PAN3: variants seen among roughly 807,000 people sequenced by gnomAD.
The protein encoded by PAN3 is poly(A) specific ribonuclease subunit PAN3.
PAN3 carries 19 observed loss-of-function variants against 96.2 expected under a neutral mutation model. That is an observed-to-expected ratio of 0.20 (90% confidence interval 0.14 to 0.29). PAN3 has a LOEUF of 0.29. Among genes scored for constraint, PAN3 ranks in the 10% least tolerant of loss-of-function variants. The pLI, the probability that PAN3 is intolerant of heterozygous loss-of-function variation, is 1.00. For missense variants in PAN3, 882 were observed against 1,108.1 expected, an observed-to-expected ratio of 0.80 and a Z score of 2.90; for synonymous variants, 433 against 406.6, an observed-to-expected ratio of 1.06 and a Z score of -0.78.
intron 1 of PAN3, among the ~76,000 whole-genome samples, chr13:28,172,077 G>GT (rs1223308103): frequency 6.6e-6 from 1 of 152,284 alleles, no homozygotes; most frequent in Middle Eastern, 3.4e-3. Context: ...TAGGAAACAA[G>GT]TTTTTTTAGG....
rs777339196 is a variant in PAN3 at position 28,138,879 on chromosome 13, G to A, written c.222G>A (p.Gly74=). Residue 74 remains glycine, a synonymous_variant, in exon 1 of 19, where the codon GGG becomes GGA. Coordinates refer to ENST00000380958, the MANE Select transcript of PAN3 (RefSeq NM_175854.8). ...TCCTGCATGAGGACCCTGCCGCCGG[G>A]GCTGCCCCGGGCCTCGGCCTCCATA... ...CQFLHEDPAA[G]AAPGLGLHSN... 4.9e-6 allele frequency: 7 copies of A among 1,415,648 alleles called. No individual in the cohort carries two copies. The highest frequency in any genetic ancestry group is 2.9e-5 in the East Asian group (1 of 34,930). The allele number at this position is 1,415,648 out of a possible 1,614,324, so 87.7% of individuals were successfully genotyped here. A position where few individuals can be genotyped will look rare whatever the true frequency, so the allele number is the denominator to read the frequency against.
chr13:28,246,788 TTGTA>T, intron 6 of PAN3, among the ~76,000 whole-genome samples: 1 of 152,186 alleles, frequency 6.6e-6, no homozygotes, highest in Admixed American at 6.5e-5. Flanking sequence ...GAATATTCTA[TTGTA>T]TGTATGTACC....
intron 6 of PAN3, among the ~76,000 whole-genome samples, chr13:28,234,267 A>G (rs1882872805): frequency 1.3e-5 from 2 of 152,138 alleles, no homozygotes; most frequent in African/African-American, 4.8e-5. Context: ...AGTGATCATA[A>G]TTCATTGCGG....
At chr13:28,169,485 C>T (rs1874025194) in intron 1 of PAN3, among the ~76,000 whole-genome samples, 1 of 151,616 alleles carries the variant, frequency 6.6e-6, no homozygotes, top group Admixed American at 6.6e-5. Flanking sequence ...CCCACCTCGG[C>T]CTCCCAAAGT....
intron 5 of PAN3, among the ~76,000 whole-genome samples, chr13:28,211,698 G>T (rs752472528): frequency 6.6e-6 from 1 of 152,068 alleles, no homozygotes; most frequent in African/African-American, 2.4e-5. Context: ...TTGTCTTCTG[G>T]CCAAGGTGAA....
At chr13:28,243,975 C>T (rs533201371) in intron 6 of PAN3, among the ~76,000 whole-genome samples, 4 of 152,248 alleles carry the variant, frequency 2.6e-5, no homozygotes, top group East Asian at 1.9e-4. Context: ...CAGGAGCCAC[C>T]GCACCTGGCC....
intron 6 of PAN3, among the ~76,000 whole-genome samples, chr13:28,255,729 C>T (rs1398348337): frequency 6.6e-6 from 1 of 151,546 alleles, no homozygotes; most frequent in Admixed American, 6.6e-5. Context: ...GGCACTTAAG[C>T]TGCTATGTAT....
intron 18 of PAN3, among the ~76,000 whole-genome samples, chr13:28,290,538 G>A (rs1474636025): frequency 2.6e-5 from 4 of 151,938 alleles, no homozygotes; most frequent in East Asian, 1.9e-4. Context: ...AAAATTAGCC[G>A]GGCGTGGTGG....
At chr13:28,194,445 TGTATGTATATATATATATA>T (rs1199284436) in intron 4 of PAN3, among the ~76,000 whole-genome samples, 2 of 120,148 alleles carry the variant, frequency 1.7e-5, no homozygotes, top group African/African-American at 7.5e-5. Flanking sequence ...TACATATATA[TGTATGTATATATATATATA>T]TATTTTTTTT....
intron 17 of PAN3, among the ~76,000 whole-genome samples, chr13:28,285,584 G>A (rs1384860515): frequency 2.0e-5 from 3 of 152,082 alleles, no homozygotes; most frequent in Non-Finnish European, 4.4e-5. Flanking sequence ...CTGGGACATG[G>A]TCTTCATTGT....
At chr13:28,253,513 T>G (rs554766546) in intron 6 of PAN3, among the ~76,000 whole-genome samples, 1 of 152,326 alleles carries the variant, frequency 6.6e-6, no homozygotes, top group South Asian at 2.1e-4. Flanking sequence ...CCTATGCAAT[T>G]TAAGTATCCT....
intron 5 of PAN3, among the ~76,000 whole-genome samples, chr13:28,202,679 A>G (rs78300016): frequency 1.3e-5 from 2 of 151,632 alleles, no homozygotes; most frequent in South Asian, 4.1e-4. Flanking sequence ...ACACACACAC[A>G]ATTTGTTTAA....
intron 9 of PAN3, among the ~76,000 whole-genome samples, chr13:28,263,527 C>T (rs1885908492): frequency 6.6e-6 from 1 of 152,144 alleles, no homozygotes; most frequent in Non-Finnish European, 1.5e-5. Flanking sequence ...GAGAGGGTTT[C>T]ACCATGTTGC....
intron 6 of PAN3, among the ~76,000 whole-genome samples, chr13:28,243,780 C>T (rs1415443310): frequency 6.6e-6 from 1 of 152,080 alleles, no homozygotes; most frequent in South Asian, 2.1e-4. Flanking sequence ...AGCCCGCCTC[C>T]CAGATTACAG....
chr13:28,200,655 A>T (rs1209719907), intron 5 of PAN3, among the ~76,000 whole-genome samples: 1 of 152,234 alleles, frequency 6.6e-6, no homozygotes, highest in Non-Finnish European at 1.5e-5. Flanking sequence ...TTAAACAGTG[A>T]TACATTTGAA....
intron 1 of PAN3, among the ~76,000 whole-genome samples, chr13:28,140,885 T>A (rs1321106950): frequency 6.6e-6 from 1 of 152,208 alleles, no homozygotes; most frequent in Non-Finnish European, 1.5e-5. Flanking sequence ...CTTTCGAGCA[T>A]CAACTTTGCA....
At chr13:28,197,402 G>A in intron 5 of PAN3, 56 bp downstream of exon 5, 2 of 1,486,962 alleles carry the variant, frequency 1.3e-6, no homozygotes, top group Non-Finnish European at 1.8e-6. Flanking sequence ...GCTGCTTTCT[G>A]TGTCTGTTTG....
intron 1 of PAN3, among the ~76,000 whole-genome samples, chr13:28,167,082 A>ATTTTTTTTTTTTTTTTTTTTTT (rs1158467405): frequency 8.5e-6 from 1 of 118,338 alleles, no homozygotes; most frequent in African/African-American, 3.2e-5. Context: ...TTTTATCTTA[A>ATTTTTTTTTTTTTTTTTTTTTT]TTTTTTTTTT....
intron 1 of PAN3, 111 bp downstream of exon 1, chr13:28,139,198 C>T (rs1869246878): frequency 4.3e-6 from 5 of 1,174,458 alleles, no homozygotes; most frequent in Admixed American, 4.3e-5. Context: ...CCCCCCTCAC[C>T]TCCCAAGGCG....
Sources: allele counts gnomAD v4.1 joint callset (sites outside exome capture counted in the v4.1 genomes callset), GRCh38; gene constraint gnomAD v4.1.1; transcripts MANE v1.5; gene names NCBI Gene and HGNC (gene_info 2026-07-23, HGNC 2026-07-21).